Variants in ACSBG2 observed in about 807,000 individuals in gnomAD.
The protein encoded by ACSBG2 is acyl-CoA synthetase bubblegum family member 2.
ACSBG2 carries 62 observed loss-of-function variants against 74.7 expected under a neutral mutation model. The observed-to-expected ratio is 0.83, with a 90% CI of 0.68 to 1.03. ACSBG2 has a LOEUF of 1.03. Ranked by LOEUF, ACSBG2 falls within the 50% of genes least tolerant of loss-of-function variation. The probability of loss-of-function intolerance (pLI) is 0.00; values close to 1 mark genes in which losing one functional copy is unlikely to be tolerated. For synonymous variants in ACSBG2, 309 were observed against 294.1 expected, an observed-to-expected ratio of 1.05 and a Z score of -0.52; for missense variants, 730 against 817.6, an observed-to-expected ratio of 0.89 and a Z score of 1.31.
At position 6,185,641 on chromosome 19, in the gene ACSBG2, G is replaced by A. The variant is rs146836725; in HGVS notation, c.1528G>A (p.Gly510Ser). ...CGGTCTGGGTTTCCTCTATGTCACC[G>A]GCCACATCAAAGGTACCAGGGGCTG... Reference protein sequence around the residue: ...LDGLGFLYVTGHIKEILITAG... With the variant: ...LDGLGFLYVTSHIKEILITAG... Residue 510 changes from glycine to serine, a missense_variant, in exon 11 of 15, where the codon GGC becomes AGC. Transcript: ENST00000588485. 2.7e-5 allele frequency: 43 copies of A among 1,614,006 alleles called. No individual in the cohort carries two copies. The highest frequency in any genetic ancestry group is 1.1e-4 in the South Asian group (10 of 91,074).
rs1173139248 is a variant in ACSBG2, at chr19:6,174,937, C to T, written c.739-2292C>T. On this transcript the variant is annotated intron_variant, in intron 7 of 14. Transcript: ENST00000588485. This position sits in a 1 kb window ranked among gnomAD's most constrained non-coding sequence, Gnocchi z 4.2. ...CTAAGATAAACACATTTTAACTCCC[C>T]ACTAAAACCCCACGAGGAAAATTTT... 6.6e-6 allele frequency among the ~76,000 whole-genome samples: 1 copy of T among 151,808 alleles called. No individual in the cohort carries two copies. Among genetic ancestry groups the T allele is most frequent in the Non-Finnish European group, 1.5e-5 (1 of 67,918 alleles).
Position 6,187,596 on chromosome 19 carries a change from C to A in ACSBG2, c.1681-3C>A, listed in dbSNP as rs747024785. On this transcript the variant is annotated splice_polypyrimidine_tract_variant and splice_region_variant and intron_variant, in intron 12 of 14. Coordinates refer to ENST00000588485, the MANE Select transcript of ACSBG2 (RefSeq NM_030924.5). ...GGGTGGTGACAGAGGTGTCTGGGGG[C>A]AGTGTGAGATGAATCAGATGAGCGG... The A allele has an allele frequency of 6.8e-6, 11 of 1,613,752 alleles. 1 individual carries two copies. The South Asian group carries it at 1.2e-4, about 18-fold the overall frequency.
At position 6,160,321 on chromosome 19, in the gene ACSBG2, C is replaced by T. The variant is rs958181174; in HGVS notation, c.508-894C>T. Among the ~76,000 whole-genome samples, 12 of 144,572 alleles carry T rather than the reference C, an allele frequency of 8.3e-5. 1 individual carries two copies. The South Asian group carries it at 8.8e-4, about 11-fold the overall frequency. The allele number at this position is 144,572 out of a possible 152,430, so 94.8% of individuals were successfully genotyped here. On this transcript the variant is annotated intron_variant, in intron 5 of 14. Coordinates refer to ENST00000588485, the MANE Select transcript of ACSBG2 (RefSeq NM_030924.5). ...AGGAGAATGGCATGAACCCAGGAGG[C>T]GGAGCTTGGAGTGAGCTGAGATAGC... is the stretch of plus-strand genomic sequence containing the variant.
At chr19:6,164,400 C>A (rs913287461) in intron 6 of ACSBG2, among the ~76,000 whole-genome samples, 2 of 151,184 alleles carry the variant, frequency 1.3e-5, no homozygotes, top group African/African-American at 2.4e-5. Context: ...AGGTTTCAGG[C>A]AACACTGGCC....
chr19:6,163,694 GC>G (rs1457473688), intron 6 of ACSBG2, among the ~76,000 whole-genome samples: 1 of 150,602 alleles, frequency 6.6e-6, no homozygotes, highest in East Asian at 2.0e-4. Flanking sequence ...TGAGCCAAGA[GC>G]AGTGAGCGGA....
chr19:6,170,492 T>C (rs748554330), intron 7 of ACSBG2, among the ~76,000 whole-genome samples: 30 of 152,196 alleles, frequency 2.0e-4, no homozygotes, highest in Non-Finnish European at 4.0e-4. Context: ...TTCTTTAATT[T>C]GTTTACCCAA....
Position 6,147,673 on chromosome 19 carries a change from A to C in ACSBG2, c.295A>C (p.Lys99Gln), listed in dbSNP as rs1360975799. ...TCGGAAGGCTGCAAAATCCTTGATC[A>C]AGGTAAGATTCATTCATTCATTCTC... The part of the protein sequence containing the change: ...ACRKAAKSLI[K>Q]LGLERFHGVG... Residue 99 changes from lysine to glutamine, a missense_variant and splice_region_variant, in exon 3 of 15, where the codon AAG (lysine) becomes CAG (glutamine). Transcript: ENST00000588485. The C allele has an allele frequency of 6.2e-7, 1 of 1,611,802 alleles. No homozygotes were observed. Among genetic ancestry groups the C allele is most frequent in the African/African-American group, 1.3e-5 (1 of 74,884 alleles).
chr19:6,176,448 A>G lies in ACSBG2; in HGVS notation c.739-781A>G. 5 of 1,384,064 alleles carry G rather than the reference A, an allele frequency of 3.6e-6. No homozygotes were observed. The South Asian group carries it at 5.5e-5, about 15-fold the overall frequency. The allele number at this position is 1,384,064 out of a possible 1,614,324, so 85.7% of individuals were successfully genotyped here. ...TGCTCCTGCCATCCACGTGATCTGT[A>G]ACATAAGGGACAATCCAAGGTGCCT... On this transcript the variant is annotated intron_variant, in intron 7 of 14. Coordinates refer to ENST00000588485, the MANE Select transcript of ACSBG2 (RefSeq NM_030924.5).
At chr19:6,162,471 A>G (rs1600076153) in intron 6 of ACSBG2, among the ~76,000 whole-genome samples, 1 of 140,238 alleles carries the variant, frequency 7.1e-6, no homozygotes, top group East Asian at 2.3e-4. Flanking sequence ...GGAGGCTGAG[A>G]CAGGAGAATG....
chr19:6,145,087 T>C (rs1568217589), intron 2 of ACSBG2, among the ~76,000 whole-genome samples: 3 of 151,978 alleles, frequency 2.0e-5, no homozygotes, highest in African/African-American at 7.2e-5. Context: ...ATGAGGCCCA[T>C]GTCTAGTCAA....
At chr19:6,137,222 G>T (rs868223761) in intron 1 of ACSBG2, 2 of 140,364 alleles carry the variant, frequency 1.4e-5, no homozygotes, top group South Asian at 2.5e-4. Context: ...GGGGGGGGGG[G>T]GGGCTTGCTT....
At chr19:6,149,816 T>G (rs112239084) in intron 3 of ACSBG2, among the ~76,000 whole-genome samples, 1 of 139,680 alleles carries the variant, frequency 7.2e-6, no homozygotes, top group Non-Finnish European at 1.5e-5. Flanking sequence ...CCTCAAGAGA[T>G]CCACCCACCT....
At chr19:6,185,749 C>T (rs2145262118) in intron 11 of ACSBG2, 96 bp downstream of exon 11, 3 of 1,276,338 alleles carry the variant, frequency 2.4e-6, no homozygotes, top group Non-Finnish European at 2.2e-6. Flanking sequence ...ACCCCCAGTT[C>T]CTCACCTTCC....
At chr19:6,150,567 T>A (rs543792420) in intron 3 of ACSBG2, among the ~76,000 whole-genome samples, 1 of 152,228 alleles carries the variant, frequency 6.6e-6, no homozygotes, top group African/African-American at 2.4e-5. Flanking sequence ...CTTGAGGACA[T>A]CATACTCGGT....
chr19:6,188,769 G>A (rs946355126), intron 13 of ACSBG2, among the ~76,000 whole-genome samples: 4 of 152,130 alleles, frequency 2.6e-5, no homozygotes, highest in Non-Finnish European at 5.9e-5. Context: ...GGGGTGAAGG[G>A]CTGGAAAATT....
At chr19:6,166,086 G>T (rs1367317189) in intron 7 of ACSBG2, 71 bp downstream of exon 7, 12 of 1,593,620 alleles carry the variant, frequency 7.5e-6, no homozygotes, top group African/African-American at 1.3e-5. Flanking sequence ...CCAGGGGCAG[G>T]GTGGCATTCC....
chr19:6,187,542 C>G, intron 12 of ACSBG2, 57 bp from the exon 13 acceptor site: 1 of 1,607,856 alleles, frequency 6.2e-7, no homozygotes, highest in Middle Eastern at 1.7e-4. Flanking sequence ...GGTCTGTGGG[C>G]CTGGGGAGGG....
intron 5 of ACSBG2, among the ~76,000 whole-genome samples, chr19:6,158,440 GTTT>G (rs57823634): frequency 7.4e-6 from 1 of 135,270 alleles, no homozygotes; most frequent in African/African-American, 2.7e-5. Context: ...GCTGTCTTAC[GTTT>G]TTTTTTTTTT....
intron 7 of ACSBG2, among the ~76,000 whole-genome samples, chr19:6,173,849 C>T (rs931447340): frequency 2.0e-5 from 3 of 152,204 alleles, no homozygotes; most frequent in South Asian, 2.1e-4. Flanking sequence ...TTGTCAGCCA[C>T]GCTGAGCCCA....
Sources: allele counts gnomAD v4.1 joint callset (sites outside exome capture counted in the v4.1 genomes callset), GRCh38; gene constraint gnomAD v4.1.1; non-coding constraint Gnocchi (gnomAD v3.1); transcripts MANE v1.5; gene names NCBI Gene and HGNC (gene_info 2026-07-23, HGNC 2026-07-21).